DOCK8: variants seen among roughly 807,000 people sequenced by gnomAD.
The protein encoded by DOCK8 is dedicator of cytokinesis protein 8.
DOCK8 carries 141 observed loss-of-function variants against 245.6 expected under a neutral mutation model. The ratio of observed to expected loss-of-function variants is 0.57; its 90% CI spans 0.50 to 0.66. The LOEUF is 0.66. Ranked by LOEUF, DOCK8 falls within the 30% of genes least tolerant of loss-of-function variation. The probability of loss-of-function intolerance (pLI) is 0.00; values close to 1 mark genes in which losing one functional copy is unlikely to be tolerated. For missense variants in DOCK8, 2,965 were observed against 2,603.4 expected (o/e 1.14, Z -3.02); for synonymous variants, 1,168 against 970.2 (o/e 1.20, Z -3.79).
chr9:400,108 T>C (rs965549292), intron 26 of DOCK8, among the ~76,000 whole-genome samples: 2 of 49,220 alleles, frequency 4.1e-5, no homozygotes, highest in African/African-American at 1.5e-4. Flanking sequence ...CACCACCACC[T>C]CCACCACCAC....
chr9:385,390 T>G (rs2053910184), intron 22 of DOCK8, among the ~76,000 whole-genome samples: 1 of 152,236 alleles, frequency 6.6e-6, no homozygotes, highest in African/African-American at 2.4e-5. Context: ...AATACTACCT[T>G]TGTAACTTCT....
At chr9:377,306 G>T (rs774283878) in intron 20 of DOCK8, 95 bp downstream of exon 20, 3 of 1,251,620 alleles carry the variant, frequency 2.4e-6, no homozygotes, top group Non-Finnish European at 3.3e-6. Flanking sequence ...CAGAGACAAT[G>T]TGATCTTCCT....
chr9:439,488 T>G, intron 40 of DOCK8, 100 bp downstream of exon 40: 2 of 1,509,942 alleles, frequency 1.3e-6, no homozygotes, highest in Non-Finnish European at 9.0e-7. Flanking sequence ...CAGCCCCACT[T>G]CCCGAGGACA....
intron 4 of DOCK8, among the ~76,000 whole-genome samples, chr9:302,618 A>G (rs1275824679): frequency 6.6e-6 from 1 of 152,248 alleles, no homozygotes; most frequent in African/African-American, 2.4e-5. Flanking sequence ...AATGTCTGAT[A>G]TCCAGAATCT....
chr9:364,867 G>A (rs2052904021), intron 14 of DOCK8, among the ~76,000 whole-genome samples: 1 of 152,086 alleles, frequency 6.6e-6, no homozygotes, highest in Non-Finnish European at 1.5e-5. Context: ...GAAAGAGGGA[G>A]TGTGTGTGTG....
At chr9:340,137 C>T in intron 13 of DOCK8, 22 bp from the exon 14 acceptor site, 2 of 1,612,368 alleles carry the variant, frequency 1.2e-6, no homozygotes, top group Non-Finnish European at 1.7e-6. Flanking sequence ...TTTACTAGAA[C>T]ATTCCTATTT....
At chr9:428,258 A>C in intron 34 of DOCK8, 104 bp from the exon 35 acceptor site, 2 of 1,580,594 alleles carry the variant, frequency 1.3e-6, no homozygotes, top group Admixed American at 3.4e-5. Context: ...CTTAAGACTC[A>C]CCACTGGACA....
At chr9:289,111 A>T (rs72701258) in intron 3 of DOCK8, among the ~76,000 whole-genome samples, 4,366 of 152,314 alleles carry the variant, frequency 0.029, 98 homozygotes, top group African/African-American at 0.054. Context: ...AAAGGAGAAC[A>T]CGCGTGTCCT....
chr9:354,472 A>G (rs1406653802), intron 14 of DOCK8, among the ~76,000 whole-genome samples: 4 of 151,958 alleles, frequency 2.6e-5, no homozygotes, highest in Non-Finnish European at 5.9e-5. Context: ...TACTTGTGTT[A>G]GTTATCTATT....
chr9:314,792 G>A (rs577063629), intron 6 of DOCK8, among the ~76,000 whole-genome samples: 29 of 145,978 alleles, frequency 2.0e-4, no homozygotes, highest in Admixed American at 2.8e-4. Context: ...TGGTTTTTTC[G>A]ATGACACAAT....
intron 7 of DOCK8, 22 bp from the exon 8 acceptor site, chr9:325,649 T>C (rs1257272277): frequency 6.2e-7 from 1 of 1,608,774 alleles, no homozygotes; most frequent in East Asian, 2.2e-5. Context: ...GCCACATAGA[T>C]TTTCCTCTCT....
At chr9:373,682 G>A (rs952821780) in intron 18 of DOCK8, among the ~76,000 whole-genome samples, 14 of 152,196 alleles carry the variant, frequency 9.2e-5, no homozygotes, top group East Asian at 7.7e-4. Flanking sequence ...TCTCACTTCC[G>A]GCTGTTTTCC....
At chr9:318,749 G>T (rs2050457152) in intron 7 of DOCK8, among the ~76,000 whole-genome samples, 1 of 152,202 alleles carries the variant, frequency 6.6e-6, no homozygotes. Flanking sequence ...TTGGCGGGAG[G>T]ACTGAGTGGA....
At chr9:333,382 A>T (rs537451050) in intron 10 of DOCK8, among the ~76,000 whole-genome samples, 1 of 152,178 alleles carries the variant, frequency 6.6e-6, no homozygotes, top group African/African-American at 2.4e-5. Flanking sequence ...CGGGCAGATC[A>T]TGAGGTCAGA....
At chr9:351,167 A>G (rs1321315932) in intron 14 of DOCK8, among the ~76,000 whole-genome samples, 1 of 152,182 alleles carries the variant, frequency 6.6e-6, no homozygotes, top group Non-Finnish European at 1.5e-5. Flanking sequence ...TTTGCCTAGT[A>G]TGGTCTACCT....
Position 422,028 on chromosome 9 carries a change from A to G in DOCK8, c.4154-20A>G. ...GTTTCATGCTAATCAAATTCCTATC[A>G]TGCATTTCTTAACTCCTAGGGAACG... On this transcript the variant is annotated intron_variant, in intron 32 of 47. Coordinates refer to ENST00000432829, the MANE Select transcript of DOCK8 (RefSeq NM_203447.4). 2 of 1,599,830 alleles carry G rather than the reference A, an allele frequency of 1.3e-6. No individual in the cohort carries two copies. Among genetic ancestry groups the G allele is most frequent in the Non-Finnish European group, 1.7e-6 (2 of 1,167,072 alleles).
chr9:433,820 C>A, intron 37 of DOCK8, 55 bp from the exon 38 acceptor site: 1 of 1,424,294 alleles, frequency 7.0e-7, no homozygotes, highest in Non-Finnish European at 9.9e-7. Flanking sequence ...GTAATCCTAA[C>A]TCTTCACCTG....
chr9:271,067 A>G (rs544584161), intron 1 of DOCK8, among the ~76,000 whole-genome samples: 1 of 152,316 alleles, frequency 6.6e-6, no homozygotes, highest in South Asian at 2.1e-4. Flanking sequence ...GGGTGATGCA[A>G]AGGATCACTG....
In DOCK8 at chr9:451,955, GTA is replaced by G. The variant is rs564265852; in HGVS notation, c.5962-34_5962-33del. On this transcript the variant is annotated intron_variant, in intron 45 of 47. Coordinates refer to ENST00000432829, the MANE Select transcript of DOCK8 (RefSeq NM_203447.4). Reference sequence around the variant, plus strand: ...TGTGTATATATATATGTGTGTGTGTGTATATATATATATATATATATATTTTT... The same window carrying G: ...TGTGTATATATATATGTGTGTGTGTGTATATATATATATATATATATTTTT... 3,493 of 361,284 alleles carry G rather than the reference GTA, an allele frequency of 9.7e-3. 60 individuals carry two copies. The highest frequency in any genetic ancestry group is 0.024 in the African/African-American group (694 of 28,508). 22.4% of individuals were successfully genotyped at this position (361,284 alleles called of 1,614,324 possible).
Sources: gnomAD v4.1 joint callset for allele counts (sites outside exome capture counted in the v4.1 genomes callset) on GRCh38, gnomAD v4.1.1 for gene constraint, MANE v1.5 for transcripts, NCBI Gene and HGNC (gene_info 2026-07-23, HGNC 2026-07-21) for gene names.